CTIF: variants seen among roughly 807,000 people sequenced by gnomAD.
The protein encoded by CTIF is CBP80/20-dependent translation initiation factor.
In CTIF, 21 loss-of-function variants were observed where a neutral mutation model predicts 66.0. The observed-to-expected ratio is 0.32, with a 90% CI of 0.23 to 0.46. The LOEUF (loss-of-function observed/expected upper bound fraction) is 0.46, where lower values mean the gene tolerates loss of function less well. Among genes scored for constraint, CTIF ranks in the 20% least tolerant of loss-of-function variants. The pLI is 1.00. For synonymous variants in CTIF, 345 were observed against 326.4 expected, an observed-to-expected ratio of 1.06 and a Z score of -0.62; for missense variants, 739 against 812.7, an observed-to-expected ratio of 0.91 and a Z score of 1.10.
chr18:48,588,100 C>G (rs2089810206), intron 1 of CTIF, among the ~76,000 whole-genome samples: 1 of 152,166 alleles, frequency 6.6e-6, no homozygotes, highest in South Asian at 2.1e-4. Flanking sequence ...AGCAACCCTT[C>G]GAGGACCTCT....
chr18:48,633,857 G>T (rs1434184516), intron 2 of CTIF, among the ~76,000 whole-genome samples: 3 of 152,094 alleles, frequency 2.0e-5, no homozygotes, highest in African/African-American at 4.8e-5. Flanking sequence ...AATGGAACAG[G>T]GTGTTCCCAA....
rs2088623020 is a variant in CTIF at position 48,541,628 on chromosome 18, T to C, written c.-29+2316T>C. 2.6e-5 allele frequency among the ~76,000 whole-genome samples: 4 copies of C among 152,214 alleles called. 1 individual carries two copies. In the South Asian group the frequency reaches 8.3e-4, roughly 32 times the overall value. On this transcript the variant is annotated intron_variant, in intron 1 of 11. Transcript: ENST00000256413. Reference sequence around the variant, plus strand: ...GGATGGCCAGGACACGCTCAGGTTGTCTGGGGAAACTCCTGAGTGTTTGAC... The same window carrying C: ...GGATGGCCAGGACACGCTCAGGTTGCCTGGGGAAACTCCTGAGTGTTTGAC...
chr18:48,677,022 G>A (rs1162152230), intron 6 of CTIF, among the ~76,000 whole-genome samples: 3 of 152,082 alleles, frequency 2.0e-5, no homozygotes, highest in African/African-American at 4.8e-5. Context: ...CGCGGCTGGG[G>A]CTGCCCCACA....
intron 2 of CTIF, among the ~76,000 whole-genome samples, chr18:48,630,300 G>C (rs778348953): frequency 2.4e-4 from 37 of 152,166 alleles, no homozygotes; most frequent in Non-Finnish European, 4.1e-4. Flanking sequence ...CAGGGTTGGG[G>C]GGGTGGGCGA....
chr18:48,788,119 A>G (rs1911879893), intron 9 of CTIF, among the ~76,000 whole-genome samples: 1 of 152,142 alleles, frequency 6.6e-6, no homozygotes, highest in Non-Finnish European at 1.5e-5. Context: ...CATGGGGACA[A>G]TTGGATGGCC....
intron 10 of CTIF, among the ~76,000 whole-genome samples, chr18:48,829,546 C>G (rs555080293): frequency 1.3e-5 from 2 of 151,150 alleles, no homozygotes; most frequent in South Asian, 2.1e-4. Context: ...CAGAGCCCCC[C>G]GACCTCCGTG....
At chr18:48,645,635 G>A (rs924438610) in intron 3 of CTIF, among the ~76,000 whole-genome samples, 3 of 152,240 alleles carry the variant, frequency 2.0e-5, no homozygotes, top group African/African-American at 7.2e-5. Flanking sequence ...GAGACAGCAG[G>A]AACCTGACTT....
At chr18:48,629,098 A>G (rs572497351) in intron 2 of CTIF, among the ~76,000 whole-genome samples, 40 of 152,332 alleles carry the variant, frequency 2.6e-4, no homozygotes, top group African/African-American at 9.1e-4. Context: ...CCTTCAGGGA[A>G]ATGAAGGCAT....
intron 3 of CTIF, among the ~76,000 whole-genome samples, chr18:48,658,355 G>C (rs555720502): frequency 5.3e-4 from 80 of 152,138 alleles, no homozygotes; most frequent in Non-Finnish European, 1.0e-3. Flanking sequence ...AGCATGTGAT[G>C]TGCACATATA....
intron 7 of CTIF, among the ~76,000 whole-genome samples, chr18:48,739,378 C>T (rs550694317): frequency 1.1e-4 from 17 of 152,350 alleles, no homozygotes; most frequent in South Asian, 2.1e-4. Flanking sequence ...TTGTGAAGGA[C>T]GGAACCCCTG....
intron 9 of CTIF, among the ~76,000 whole-genome samples, chr18:48,781,036 T>C (rs1449898030): frequency 6.6e-6 from 1 of 152,188 alleles, no homozygotes; most frequent in Non-Finnish European, 1.5e-5. Flanking sequence ...GACCCCCCCA[T>C]CCCTGCCTTC....
At chr18:48,592,016 C>T (rs748604772) in intron 1 of CTIF, among the ~76,000 whole-genome samples, 2 of 152,196 alleles carry the variant, frequency 1.3e-5, no homozygotes, top group African/African-American at 2.4e-5. Context: ...CTTCGGAAAG[C>T]GCTGGGATTA....
At chr18:48,599,352 A>T (rs1186608870) in intron 1 of CTIF, among the ~76,000 whole-genome samples, 6 of 152,082 alleles carry the variant, frequency 3.9e-5, no homozygotes, top group African/African-American at 1.4e-4. Context: ...TTGTTCATAA[A>T]AATGCCAAAA....
rs1339856103 is a variant in CTIF, at chr18:48,862,510, GC to G, written c.*2955del. 1.3e-5 allele frequency: 2 copies of G among 152,650 alleles called. No individual in the cohort carries two copies. The highest frequency in any genetic ancestry group is 4.8e-5 in the African/African-American group (2 of 41,438). The allele number at this position is 152,650 out of a possible 1,614,324, so 9.5% of individuals were successfully genotyped here. On this transcript the variant is annotated 3_prime_UTR_variant, in exon 12 of 12. Coordinates refer to ENST00000256413, the MANE Select transcript of CTIF (RefSeq NM_014772.3). ...CAACCTCACCCAGACGAGGCCAGGA[GC>G]CCCGCCACCCTCCACGGGATGTGCA...
chr18:48,611,691 C>T (rs1027437424), intron 1 of CTIF, among the ~76,000 whole-genome samples: 2 of 152,222 alleles, frequency 1.3e-5, no homozygotes, highest in African/African-American at 4.8e-5. Flanking sequence ...GATTGTCGTA[C>T]TCATTAAAGT....
intron 1 of CTIF, among the ~76,000 whole-genome samples, chr18:48,603,030 T>G (rs2090123980): frequency 6.7e-6 from 1 of 149,956 alleles, no homozygotes; most frequent in South Asian, 2.1e-4. Context: ...GATGGGTGGA[T>G]GGATGGATAG....
intron 7 of CTIF, chr18:48,756,334 T>C (rs185613705): frequency 6.6e-6 from 1 of 151,920 alleles, no homozygotes; most frequent in Non-Finnish European, 1.5e-5. Flanking sequence ...AAAAAAAAAA[T>C]TTTATTCATT....
At position 48,660,729 on chromosome 18, in the gene CTIF, C is replaced by T. The variant is rs561124617; in HGVS notation, c.253-3023C>T. ...AGTGACTGTTACTGTGACCTGTCCT[C>T]GCTCCCTGCCAGTTGAGGAGTAGTA... On this transcript the variant is annotated intron_variant, in intron 3 of 11. Transcript: ENST00000256413. Among the ~76,000 whole-genome samples, 33 of 152,348 alleles carry T rather than the reference C, an allele frequency of 2.2e-4. No homozygotes were observed. In the South Asian group the frequency reaches 5.2e-3, roughly 24 times the overall value.
intron 6 of CTIF, among the ~76,000 whole-genome samples, chr18:48,691,126 C>T (rs1005926966): frequency 6.6e-6 from 1 of 152,206 alleles, no homozygotes; most frequent in African/African-American, 2.4e-5. Context: ...TTCCTAAACT[C>T]CCCCAAAATA....
Sources: gnomAD v4.1 joint callset for allele counts (sites outside exome capture counted in the v4.1 genomes callset) on GRCh38, gnomAD v4.1.1 for gene constraint, MANE v1.5 for transcripts, NCBI Gene and HGNC (gene_info 2026-07-23, HGNC 2026-07-21) for gene names.